The following RGS13 variants were observed in gnomAD, a reference collection of about 807,000 sequenced individuals.
The protein encoded by RGS13 is regulator of G-protein signalling 13.
Under a neutral mutation model 19.9 loss-of-function variants are expected in RGS13, and 14 were observed. The ratio of observed to expected loss-of-function variants is 0.70; its 90% CI spans 0.46 to 1.10. RGS13 has a LOEUF of 1.10. Among genes scored for constraint, RGS13 ranks in the 50% least tolerant of loss-of-function variants. The pLI, the probability that RGS13 is intolerant of heterozygous loss-of-function variation, is 0.00. For synonymous variants in RGS13, 60 were observed against 56.8 expected (o/e 1.06, Z -0.25); for missense variants, 205 against 187.1 (o/e 1.10, Z -0.56).
chr1:192,648,091 C>G (rs1663253342), intron 5 of RGS13, 104 bp downstream of exon 5: 1 of 660,702 alleles, frequency 1.5e-6, no homozygotes, highest in African/African-American at 1.9e-5. Context: ...TTCTCACAGC[C>G]TTCTAACTGG....
chr1:192,645,705 T>C (rs1663207876), intron 4 of RGS13: 1 of 151,940 alleles, frequency 6.6e-6, no homozygotes, highest in Non-Finnish European at 1.5e-5. Flanking sequence ...TAAAGGCACC[T>C]GGATAGCCAT....
chr1:192,650,391 A>G (rs6701059), intron 5 of RGS13, among the ~76,000 whole-genome samples: 12,670 of 152,166 alleles, frequency 0.083, 1,080 homozygotes, highest in African/African-American at 0.21. Flanking sequence ...TCCAACCAGT[A>G]AGACAAAACT....
Position 192,637,657 on chromosome 1 carries a change from C to T in RGS13, c.-48C>T, listed in dbSNP as rs12023294. On this transcript the variant is annotated 5_prime_UTR_variant, in exon 2 of 7. Transcript: ENST00000391995. The stretch of plus-strand genomic sequence containing the variant: ...AAAAATGATCATTGTTTATTTGAAG[C>T]TTGGTGAGTTTATCCACAATTTAAA... 2 of 151,972 alleles carry T rather than the reference C, an allele frequency of 1.3e-5. No homozygotes were observed. The highest frequency in any genetic ancestry group is 2.9e-5 in the Non-Finnish European group (2 of 67,942). The allele number at this position is 151,972 out of a possible 1,614,324, so 9.4% of individuals were successfully genotyped here.
intron 5 of RGS13, among the ~76,000 whole-genome samples, chr1:192,654,114 TTATATA>T (rs1354057507): frequency 6.6e-6 from 1 of 151,604 alleles, no homozygotes; most frequent in Non-Finnish European, 1.5e-5. Flanking sequence ...AAAATATACA[TTATATA>T]TATATTTTTG....
intron 5 of RGS13, among the ~76,000 whole-genome samples, chr1:192,655,001 G>C (rs1413473604): frequency 2.6e-5 from 4 of 152,032 alleles, no homozygotes; most frequent in Admixed American, 2.6e-4. Flanking sequence ...TCAGGAATGA[G>C]TATCATTTAA....
intron 3 of RGS13, among the ~76,000 whole-genome samples, chr1:192,639,443 T>C (rs1028170747): frequency 6.6e-6 from 1 of 152,094 alleles, no homozygotes; most frequent in African/African-American, 2.4e-5. Flanking sequence ...GTGATTAATA[T>C]AATGTGTGAA....
At position 192,655,450 on chromosome 1, in the gene RGS13, G is replaced by T. The variant is rs1024491149; in HGVS notation, c.128-2751G>T. Among the ~76,000 whole-genome samples, 3 of 152,132 alleles carry T rather than the reference G, an allele frequency of 2.0e-5. No individual in the cohort carries two copies. The South Asian group carries it at 6.2e-4, about 32-fold the overall frequency. ...ATTCCATGTCTTCATTCCAGCCTTCGGGCTAAAGGAGCAGCTCTTTTCTAG... is the reference window on the plus strand; with the variant it reads ...ATTCCATGTCTTCATTCCAGCCTTCTGGCTAAAGGAGCAGCTCTTTTCTAG... On this transcript the variant is annotated intron_variant, in intron 5 of 6. Coordinates refer to ENST00000391995, the MANE Select transcript of RGS13 (RefSeq NM_002927.5).
intron 3 of RGS13, among the ~76,000 whole-genome samples, chr1:192,641,208 G>A (rs1197138486): frequency 1.1e-5 from 1 of 88,478 alleles, no homozygotes; most frequent in East Asian, 4.0e-4. Context: ...AAAAAGGAAA[G>A]AAAGAAAGAA....
At chr1:192,656,351 T>A (rs1162857626) in intron 5 of RGS13, among the ~76,000 whole-genome samples, 1 of 152,012 alleles carries the variant, frequency 6.6e-6, no homozygotes, top group African/African-American at 2.4e-5. Context: ...TTCTGTTTTT[T>A]TTTTTTTATT....
chr1:192,654,567 G>C (rs1054940671), intron 5 of RGS13, among the ~76,000 whole-genome samples: 1 of 151,994 alleles, frequency 6.6e-6, no homozygotes, highest in Non-Finnish European at 1.5e-5. Flanking sequence ...TATCCCCAGT[G>C]GTACAGATTG....
At chr1:192,646,977 T>C (rs1347567173) in intron 4 of RGS13, 1 of 152,174 alleles carries the variant, frequency 6.6e-6, no homozygotes, top group Admixed American at 6.6e-5. Context: ...AAATGGTAAA[T>C]GGCTTTGTTT....
chr1:192,644,191 C>G lies in RGS13; in HGVS notation c.-4-140C>G, dbSNP rs1663174597. ...ATTCTCCTCTCTCCTCCCAACTCCCCCAGTGACTGTATTCCATTAACTTCA... is the reference window on the plus strand; with the variant it reads ...ATTCTCCTCTCTCCTCCCAACTCCCGCAGTGACTGTATTCCATTAACTTCA... On this transcript the variant is annotated intron_variant, in intron 3 of 6. Coordinates refer to ENST00000391995, the MANE Select transcript of RGS13 (RefSeq NM_002927.5). 1.2e-5 allele frequency: 6 copies of G among 501,100 alleles called. 1 individual carries two copies. In the South Asian group the frequency reaches 2.9e-4, roughly 24 times the overall value. The allele number at this position is 501,100 out of a possible 1,614,324, so 31.0% of individuals were successfully genotyped here.
intron 3 of RGS13, among the ~76,000 whole-genome samples, chr1:192,641,485 C>T (rs1663121774): frequency 6.6e-6 from 1 of 152,058 alleles, no homozygotes; most frequent in South Asian, 2.1e-4. Flanking sequence ...TGCTTTCCTC[C>T]TTGTTTCTGT....
rs1491322362 is a variant in RGS13, at chr1:192,641,309, AAG to A, written c.-4-3020_-4-3019del. Among the ~76,000 whole-genome samples, 585 of 147,790 alleles carry A rather than the reference AAG, an allele frequency of 4.0e-3. 1 individual carries two copies. The highest frequency in any genetic ancestry group is 8.6e-3 in the Admixed American group (126 of 14,642). ...AAGAAAGAAAGAAAGAAAGAAAGAA[AAG>A]AAAGAAAGGAGGGAGGGAGGAAGGA... On this transcript the variant is annotated intron_variant, in intron 3 of 6. Coordinates refer to ENST00000391995, the MANE Select transcript of RGS13 (RefSeq NM_002927.5).
At chr1:192,641,301 AGAAAGAAAAG>A (rs1663116281) in intron 3 of RGS13, among the ~76,000 whole-genome samples, 1 of 129,578 alleles carries the variant, frequency 7.7e-6, no homozygotes, top group Non-Finnish European at 1.7e-5. Context: ...AAAGAAAGAA[AGAAAGAAAAG>A]AAAGAAAGGA....
rs1285609270 is a variant in RGS13, at chr1:192,648,001, A to G, written c.127+14A>G. On this transcript the variant is annotated intron_variant, in intron 5 of 6. Coordinates refer to ENST00000391995, the MANE Select transcript of RGS13 (RefSeq NM_002927.5). The stretch of plus-strand genomic sequence containing the variant: ...TGGCTACAAAATGTGAGTATTGCGT[A>G]TCTGTCATCTTTGAATAACTAGCGA... 6.4e-7 allele frequency: 1 copy of G among 1,563,932 alleles called. No individual in the cohort carries two copies. Among genetic ancestry groups the G allele is most frequent in the African/African-American group, 1.4e-5 (1 of 73,358 alleles).
At chr1:192,641,241 AAAGAAAAG>A (rs1291423441) in intron 3 of RGS13, among the ~76,000 whole-genome samples, 1 of 90,130 alleles carries the variant, frequency 1.1e-5, no homozygotes, top group Admixed American at 1.3e-4. Flanking sequence ...AGAAAGAAAG[AAAGAAAAG>A]AAAGAAAAGA....
intron 3 of RGS13, among the ~76,000 whole-genome samples, chr1:192,643,295 T>C (rs1663157912): frequency 6.6e-6 from 1 of 152,184 alleles, no homozygotes. Flanking sequence ...AAGACTGATA[T>C]AAAAATTCAC....
At chr1:192,648,042 G>A in intron 5 of RGS13, 55 bp downstream of exon 5, 2 of 1,241,068 alleles carry the variant, frequency 1.6e-6, no homozygotes, top group African/African-American at 1.5e-5. Flanking sequence ...ATTCTTAGAG[G>A]TAAAGGTGGG....
Sources: gnomAD v4.1 joint callset for allele counts (sites outside exome capture counted in the v4.1 genomes callset) on GRCh38, gnomAD v4.1.1 for gene constraint, MANE v1.5 for transcripts, NCBI Gene and HGNC (gene_info 2026-07-23, HGNC 2026-07-21) for gene names.